Variants in ACTR1B observed in about 807,000 individuals in gnomAD.
The protein encoded by ACTR1B is beta-centractin.
In ACTR1B, 34 loss-of-function variants were observed where a neutral mutation model predicts 49.4. The ratio of observed to expected loss-of-function variants is 0.69; its 90% CI spans 0.52 to 0.92. The LOEUF is 0.92. Among genes scored for constraint, ACTR1B ranks in the 40% least tolerant of loss-of-function variants. The probability of loss-of-function intolerance (pLI) is 0.00; values close to 1 mark genes in which losing one functional copy is unlikely to be tolerated. For missense variants in ACTR1B, 471 were observed against 522.4 expected (o/e 0.90, Z 0.96); for synonymous variants, 207 against 207.8 (o/e 1.00, Z 0.03).
In ACTR1B at chr2:97,656,187, C is replaced by A. The variant is rs1276061020; in HGVS notation, c.*671G>T. The A allele has an allele frequency of 6.6e-6, 1 of 152,318 alleles. No individual in the cohort carries two copies. The highest frequency in any genetic ancestry group is 6.5e-5 in the Admixed American group (1 of 15,290). 9.4% of individuals were successfully genotyped at this position (152,318 alleles called of 1,614,324 possible). A position where few individuals can be genotyped will look rare whatever the true frequency, so the allele number is the denominator to read the frequency against. On this transcript the variant is annotated 3_prime_UTR_variant, in exon 11 of 11. Transcript: ENST00000289228. ...ATAAATGATGAGCATCAACCCTTTC[C>A]CACCCAGGGTGCCGAGGGTAGAGGG...
At chr2:97,657,036 T>C in intron 10 of ACTR1B, 76 bp from the exon 11 acceptor site, 1 of 1,577,994 alleles carries the variant, frequency 6.3e-7, no homozygotes, top group Non-Finnish European at 8.7e-7. Context: ...CAGAGTTGCA[T>C]TTCCCTAATT....
Position 97,658,931 on chromosome 2 carries a change from C to T in ACTR1B, c.388G>A (p.Glu130Lys). 6.2e-7 allele frequency: 1 copy of T among 1,614,146 alleles called. No homozygotes were observed. Among genetic ancestry groups the T allele is most frequent in the Non-Finnish European group, 8.5e-7 (1 of 1,180,010 alleles). ...AACAGGGCCGGCACGTTGAAGGTCT[C>T]AAAGAACACCTCTGCCGCCTTCTCC... ...NREKAAEVFF[E>K]TFNVPALFIS... The change falls in exon 5 of 11, where the codon GAG (glutamate) becomes AAG (lysine). Residue 130 changes from glutamate (E) to lysine (K), a missense_variant. Physicochemically the swap from Glu to Lys is moderately conservative, Grantham distance 56 (BLOSUM62 1). Coordinates refer to ENST00000289228, the MANE Select transcript of ACTR1B (RefSeq NM_005735.4). The surrounding 1 kb of genome is among the most constrained non-coding windows in gnomAD (Gnocchi z 5.9).
At chr2:97,657,242 A>G (rs1402298851) in intron 9 of ACTR1B, 50 bp from the exon 10 acceptor site, 2 of 1,602,428 alleles carry the variant, frequency 1.2e-6, no homozygotes, top group Middle Eastern at 2.0e-4. Flanking sequence ...CCCAGAAGCC[A>G]TCCTCCCAGC....
At position 97,658,321 on chromosome 2, in the gene ACTR1B, G is replaced by A. The variant is rs189465867; in HGVS notation, c.658-5C>T. 1,532 of 1,614,162 alleles carry A rather than the reference G, an allele frequency of 9.5e-4. 1 individual carries two copies. Among genetic ancestry groups the A allele is most frequent in the Admixed American group, 1.3e-3 (81 of 60,032 alleles). On this transcript the variant is annotated splice_region_variant and splice_polypyrimidine_tract_variant and intron_variant, in intron 6 of 10. Coordinates refer to ENST00000289228, the MANE Select transcript of ACTR1B (RefSeq NM_005735.4). The surrounding 1 kb of genome is among the most constrained non-coding windows in gnomAD (Gnocchi z 5.9). ...GATGGACAGGTAGCACGCTCGCTGC[G>A]GGGACAGGGACACAGCCCTCAGAAG...
rs750675813 is a variant in ACTR1B, at chr2:97,658,195, C to G, written c.750+29G>C. ...CTTCCCCCAGGCTGGGCATCGGCTG[C>G]CACTCCAGTGCCAGGCCCGGCCACT... On this transcript the variant is annotated intron_variant, in intron 7 of 10. Transcript: ENST00000289228. The surrounding 1 kb of genome is among the most constrained non-coding windows in gnomAD (Gnocchi z 5.9). 2.5e-6 allele frequency: 4 copies of G among 1,613,570 alleles called. No individual in the cohort carries two copies. Among genetic ancestry groups the G allele is most frequent in the East Asian group, 2.2e-5 (1 of 44,868 alleles).
chr2:97,658,025 G>A lies in ACTR1B; in HGVS notation c.843C>T (p.Phe281=), dbSNP rs1046962974. The A allele has an allele frequency of 3.7e-6, 6 of 1,614,142 alleles. No individual in the cohort carries two copies. The highest frequency in any genetic ancestry group is 2.2e-5 in the East Asian group (1 of 44,880). Residue 281 remains phenylalanine (F), a synonymous_variant, in exon 8 of 11, where the codon TTC becomes TTT. Coordinates refer to ENST00000289228, the MANE Select transcript of ACTR1B (RefSeq NM_005735.4). This position sits in a 1 kb window ranked among gnomAD's most constrained non-coding sequence, Gnocchi z 5.9. ...ESEGLHEVVA[F]AIHKSDMDLR... ...GGTCCATGTCGGACTTGTGTATGGC[G>A]AAGGCCACCACCTCATGGAGCCCCT...
At position 97,657,190 on chromosome 2, in the gene ACTR1B, G is replaced by T; in HGVS notation, c.990C>A (p.Ile330=). 6.2e-7 allele frequency: 1 copy of T among 1,613,320 alleles called. No homozygotes were observed. Among genetic ancestry groups the T allele is most frequent in the Admixed American group, 1.7e-5 (1 of 59,976 alleles). The change falls in exon 10 of 11, where the codon ATC becomes ATA. Residue 330 remains isoleucine, a splice_region_variant and synonymous_variant. Transcript: ENST00000289228. ...KLAPKDIKIK[I]SAPQERLYST... is the part of the protein sequence containing the mutation. ...AGTACAGCCGTTCCTGCGGGGCTGA[G>T]ATCTAGAAGGAGGAAGTGGCCACGT...
rs894539027 is a variant in ACTR1B at position 97,657,523 on chromosome 2, G to A, written c.926-14C>T. On this transcript the variant is annotated splice_polypyrimidine_tract_variant and intron_variant, in intron 8 of 10. Coordinates refer to ENST00000289228, the MANE Select transcript of ACTR1B (RefSeq NM_005735.4). ...GGTCTCCGAAGCCTGTGAACACAAA[G>A]CTGGCTGAGCCTGGGGTCTGCACCC... 1.2e-6 allele frequency: 2 copies of A among 1,614,144 alleles called. No homozygotes were observed. The highest frequency in any genetic ancestry group is 1.7e-6 in the Non-Finnish European group (2 of 1,180,010).
In ACTR1B at chr2:97,659,355, C is replaced by T; in HGVS notation, c.312G>A (p.Glu104=). The T allele has an allele frequency of 1.2e-6, 2 of 1,614,018 alleles. No individual in the cohort carries two copies. The highest frequency in any genetic ancestry group is 1.7e-6 in the Non-Finnish European group (2 of 1,180,012). ...GCAGGAGGGGCAGCCGCCACACCTC[C>T]TCCGAGAAGGTCTGCAGCTGATCCT... The part of the protein sequence containing the change: ...YSKDQLQTFS[E]EHPVLLTEAP... The change falls in exon 4 of 11, where the codon GAG becomes GAA. Residue 104 remains glutamate (E), a synonymous_variant. Transcript: ENST00000289228. This position sits in a 1 kb window ranked among gnomAD's most constrained non-coding sequence, Gnocchi z 4.0.
Position 97,663,963 on chromosome 2 carries a change from C to CGGG in ACTR1B, c.-76_-74dup. ...CGGATGGGCGGGCGGGCGGGAGGAC[C>CGGG]GGGACGGCGGCGGCTCCCGACGCGG... On this transcript the variant is annotated 5_prime_UTR_variant, in exon 1 of 11. Coordinates refer to ENST00000289228, the MANE Select transcript of ACTR1B (RefSeq NM_005735.4). The CGGG allele has an allele frequency of 1.1e-6, 1 of 877,850 alleles. No homozygotes were observed. Among genetic ancestry groups the CGGG allele is most frequent in the Non-Finnish European group, 1.5e-6 (1 of 663,682 alleles). 54.4% of individuals were successfully genotyped at this position (877,850 alleles called of 1,614,324 possible).
chr2:97,663,764 G>A (rs1206718503), intron 1 of ACTR1B, 79 bp downstream of exon 1: 10 of 956,018 alleles, frequency 1.0e-5, no homozygotes, highest in African/African-American at 1.8e-5. Flanking sequence ...CGCCGAGGCG[G>A]GCGGGGGTCT....
rs756118144 is a variant in ACTR1B at position 97,657,185 on chromosome 2, G to A, written c.995C>T (p.Ala332Val). ...TGTGGAGTACAGCCGTTCCTGCGGG[G>A]CTGAGATCTAGAAGGAGGAAGTGGC... ...APKDIKIKIS[A>V]PQERLYSTWI... The change falls in exon 10 of 11, where the codon GCC becomes GTC. Residue 332 changes from alanine to valine, a missense_variant. Physicochemically the swap from Ala to Val is moderately conservative, Grantham distance 64. Transcript: ENST00000289228. 3 of 1,613,486 alleles carry A rather than the reference G, an allele frequency of 1.9e-6. No homozygotes were observed. Among genetic ancestry groups the A allele is most frequent in the South Asian group, 2.2e-5 (2 of 91,016 alleles).
Position 97,663,873 on chromosome 2 carries a change from G to T in ACTR1B, c.18C>A (p.Ile6=). Residue 6 remains isoleucine (I), a synonymous_variant, in exon 1 of 11, where the codon ATC becomes ATA. Transcript: ENST00000289228. The part of the protein sequence containing the change: MESYD[I]IANQPVVIDN... ...CGATGACCACAGGCTGGTTGGCGAT[G>T]ATGTCGTAGGACTCCATGGCCGGGC... is the stretch of plus-strand genomic sequence containing the variant. 2 of 1,406,058 alleles carry T rather than the reference G, an allele frequency of 1.4e-6. No individual in the cohort carries two copies. Among genetic ancestry groups the T allele is most frequent in the Non-Finnish European group, 9.4e-7 (1 of 1,063,346 alleles). The allele number at this position is 1,406,058 out of a possible 1,614,324, so 87.1% of individuals were successfully genotyped here. A position where few individuals can be genotyped will look rare whatever the true frequency, so the allele number is the denominator to read the frequency against.
At chr2:97,662,504 A>G (rs1405180458) in intron 1 of ACTR1B, among the ~76,000 whole-genome samples, 1 of 151,540 alleles carries the variant, frequency 6.6e-6, no homozygotes, top group African/African-American at 2.4e-5. Context: ...CAATGGGTGC[A>G]TGGGATGACC....
chr2:97,658,018 G>A lies in ACTR1B; in HGVS notation c.850C>T (p.His284Tyr), dbSNP rs1674888270. Residue 284 changes from histidine to tyrosine, a missense_variant, in exon 8 of 11, where the codon CAC (histidine) becomes TAC (tyrosine). By Grantham distance (83) the His-to-Tyr change is moderately conservative. Transcript: ENST00000289228. The surrounding 1 kb of genome is among the most constrained non-coding windows in gnomAD (Gnocchi z 5.9). ...CGGCGCAGGTCCATGTCGGACTTGT[G>A]TATGGCGAAGGCCACCACCTCATGG... ...GLHEVVAFAI[H>Y]KSDMDLRRTL... is the part of the protein sequence containing the mutation. The A allele has an allele frequency of 6.2e-7, 1 of 1,614,052 alleles. No individual in the cohort carries two copies. The highest frequency in any genetic ancestry group is 1.3e-5 in the African/African-American group (1 of 74,946).
chr2:97,661,911 G>C lies in ACTR1B; in HGVS notation c.84C>G (p.Asp28Glu), dbSNP rs1675018571. The change falls in exon 2 of 11, where the codon GAC becomes GAG. Residue 28 changes from aspartate (D) to glutamate (E), a missense_variant. By Grantham distance (45) the Asp-to-Glu change is conservative. Coordinates refer to ENST00000289228, the MANE Select transcript of ACTR1B (RefSeq NM_005735.4). ...SGVIKAGFAG[D>E]QIPKYCFPNY... is the part of the protein sequence containing the mutation. ...TTGGGAAACAGTATTTGGGAATCTGGTCTCCTGCAAAGCCAGCTTTAATCA... is the reference window on the plus strand; with the variant it reads ...TTGGGAAACAGTATTTGGGAATCTGCTCTCCTGCAAAGCCAGCTTTAATCA... 2 of 1,597,370 alleles carry C rather than the reference G, an allele frequency of 1.3e-6. No homozygotes were observed. The highest frequency in any genetic ancestry group is 2.2e-5 in the East Asian group (1 of 44,696).
At chr2:97,660,356 T>C (rs890843718) in intron 3 of ACTR1B, among the ~76,000 whole-genome samples, 7 of 152,222 alleles carry the variant, frequency 4.6e-5, no homozygotes, top group African/African-American at 7.2e-5. Context: ...AGCTTCCAAA[T>C]AGCTTCTAAA....
rs1016512288 is a variant in ACTR1B, at chr2:97,658,031, C to A, written c.837G>T (p.Val279=). The A allele has an allele frequency of 6.2e-7, 1 of 1,614,144 alleles. No homozygotes were observed. The highest frequency in any genetic ancestry group is 8.5e-7 in the Non-Finnish European group (1 of 1,180,036). Residue 279 remains valine, a synonymous_variant, in exon 8 of 11, where the codon GTG becomes GTT. Coordinates refer to ENST00000289228, the MANE Select transcript of ACTR1B (RefSeq NM_005735.4). The surrounding 1 kb of genome is among the most constrained non-coding windows in gnomAD (Gnocchi z 5.9). ...TGTCGGACTTGTGTATGGCGAAGGC[C>A]ACCACCTCATGGAGCCCCTCACTCT... ...GDESEGLHEV[V]AFAIHKSDMD...
intron 2 of ACTR1B, among the ~76,000 whole-genome samples, chr2:97,661,667 AC>A (rs1445528215): frequency 1.3e-5 from 2 of 152,152 alleles, no homozygotes; most frequent in Non-Finnish European, 2.9e-5. Context: ...TGCTGGCTCA[AC>A]AAGACCAAAA....
Sources: gnomAD v4.1 joint callset for allele counts (sites outside exome capture counted in the v4.1 genomes callset) on GRCh38, gnomAD v4.1.1 for gene constraint, Gnocchi (gnomAD v3.1) non-coding constraint, MANE v1.5 for transcripts, NCBI Gene and HGNC (gene_info 2026-07-23, HGNC 2026-07-21) for gene names.